SOX13: variants seen among roughly 807,000 people sequenced by gnomAD.
SOX13 encodes transcription factor SOX-13.
Under a neutral mutation model 71.8 loss-of-function variants are expected in SOX13, and 28 were observed. The ratio of observed to expected loss-of-function variants is 0.39; its 90% CI spans 0.29 to 0.53. SOX13 has a LOEUF of 0.53. SOX13 is among the 20% of genes least tolerant of loss of function. The pLI is 0.70. For missense variants in SOX13, 627 were observed against 810.3 expected (o/e 0.77, Z 2.75); for synonymous variants, 309 against 317.8 (o/e 0.97, Z 0.29).
chr1:204,092,994 T>G (rs1656177846), intron 1 of SOX13, among the ~76,000 whole-genome samples: 2 of 152,184 alleles, frequency 1.3e-5, no homozygotes, highest in Admixed American at 1.3e-4. Context: ...GAATAGTGCG[T>G]GGGAATCTTA....
chr1:204,089,249 G>A (rs1278371398), intron 1 of SOX13, among the ~76,000 whole-genome samples: 3 of 152,150 alleles, frequency 2.0e-5, no homozygotes. Flanking sequence ...TGAGTGTGTG[G>A]TGTCTTGGCG....
chr1:204,122,479 C>T (rs1656830457), intron 9 of SOX13, 80 bp downstream of exon 9: 1 of 1,137,538 alleles, frequency 8.8e-7, no homozygotes, highest in Non-Finnish European at 1.3e-6. Flanking sequence ...TGAGCAGGTC[C>T]CTTCTCCTCC....
In SOX13 at chr1:204,124,874, G is replaced by A. The variant is rs539731868; in HGVS notation, c.1592+17G>A. 3.5e-5 allele frequency: 54 copies of A among 1,536,132 alleles called. No individual in the cohort carries two copies. In the African/African-American group the frequency reaches 3.6e-4, roughly 10 times the overall value. On this transcript the variant is annotated intron_variant, in intron 13 of 13. Transcript: ENST00000367204. ...CGTGATCCCGTGAGCAGGCCCCCCC[G>A]CAGGCAGCCAGGAGACTGTGTGTAC...
At chr1:204,103,872 C>T (rs969388999) in intron 1 of SOX13, among the ~76,000 whole-genome samples, 2 of 152,232 alleles carry the variant, frequency 1.3e-5, no homozygotes, top group East Asian at 1.9e-4. Context: ...CTGTTGACCT[C>T]TTCTCGGTTT....
At position 204,089,347 on chromosome 1, in the gene SOX13, C is replaced by T. The variant is rs1047796196; in HGVS notation, c.-2+15636C>T. On this transcript the variant is annotated intron_variant, in intron 1 of 13. Coordinates refer to ENST00000367204, the MANE Select transcript of SOX13 (RefSeq NM_005686.3). The stretch of plus-strand genomic sequence containing the variant: ...CTCTGGACAGCATGGCATTCCCATG[C>T]GAGCCCAGACAGCCCTGGGGAGCAG... 5.9e-5 allele frequency among the ~76,000 whole-genome samples: 9 copies of T among 152,170 alleles called. No individual in the cohort carries two copies. In the East Asian group the frequency reaches 7.7e-4, roughly 13 times the overall value.
intron 1 of SOX13, among the ~76,000 whole-genome samples, chr1:204,089,178 T>A: frequency 9.2e-6 from 1 of 108,652 alleles, no homozygotes; most frequent in Non-Finnish European, 1.9e-5. Flanking sequence ...TGGGGGAAGA[T>A]GCATGGGGGG....
rs1289782004 is a variant in SOX13 at position 204,125,723 on chromosome 1, T to TGGGGGCAGGGTATATA, written c.1593-134_1593-119dup. The TGGGGGCAGGGTATATA allele has an allele frequency of 1.3e-5, 13 of 991,824 alleles. No homozygotes were observed. The East Asian group carries it at 2.6e-4, about 20-fold the overall frequency. 61.4% of individuals were successfully genotyped at this position (991,824 alleles called of 1,614,324 possible). On this transcript the variant is annotated intron_variant, in intron 13 of 13. Transcript: ENST00000367204. ...TGAATTTGGCCATCAGAAAGCAGGC[T>TGGGGGCAGGGTATATA]GGGGGCAGGGTATATAAGTCACAGC...
chr1:204,112,501 G>GCACA lies in SOX13; in HGVS notation c.-1-390_-1-387dup, dbSNP rs6143576. Among the ~76,000 whole-genome samples, 513 of 57,912 alleles carry GCACA rather than the reference G, an allele frequency of 8.9e-3. 6 individuals are homozygous for GCACA. The highest frequency in any genetic ancestry group is 0.027 in the Middle Eastern group (3 of 110). The allele number at this position is 57,912 out of a possible 152,430, so 38.0% of individuals were successfully genotyped here. The stretch of plus-strand genomic sequence containing the variant: ...TGCACAGACACATGCACACATGCGT[G>GCACA]CACACACACACACACACACACACAC... On this transcript the variant is annotated intron_variant, in intron 1 of 13. Transcript: ENST00000367204.
chr1:204,087,523 C>T lies in SOX13; in HGVS notation c.-2+13812C>T, dbSNP rs531454380. ...CCCTTTCTGTCTGTGCTGGTGTTTC[C>T]GGGAGGTGCTGGGACCACCAGTGCT... On this transcript the variant is annotated intron_variant, in intron 1 of 13. Transcript: ENST00000367204. Among the ~76,000 whole-genome samples the T allele has an allele frequency of 9.9e-5, 15 of 152,284 alleles. No individual in the cohort carries two copies. In the South Asian group the frequency reaches 1.4e-3, roughly 15 times the overall value.
Position 204,122,226 on chromosome 1 carries a change from G to T in SOX13, c.862-11G>T. 5 of 1,561,262 alleles carry T rather than the reference G, an allele frequency of 3.2e-6. No individual in the cohort carries two copies. The highest frequency in any genetic ancestry group is 4.3e-6 in the Non-Finnish European group (5 of 1,154,010). ...TGTCTGTCATCCTCTGACCTGCTGGGTCTCCCTCAGGAGCCCTCCCAGCCC... is the reference window on the plus strand; with the variant it reads ...TGTCTGTCATCCTCTGACCTGCTGGTTCTCCCTCAGGAGCCCTCCCAGCCC... On this transcript the variant is annotated splice_polypyrimidine_tract_variant and intron_variant, in intron 8 of 13. Coordinates refer to ENST00000367204, the MANE Select transcript of SOX13 (RefSeq NM_005686.3).
chr1:204,092,648 T>A (rs1471711814), intron 1 of SOX13, among the ~76,000 whole-genome samples: 2 of 152,216 alleles, frequency 1.3e-5, no homozygotes, highest in African/African-American at 2.4e-5. Flanking sequence ...ATTAGTGTGA[T>A]GGCTGCTGTG....
At chr1:204,102,596 T>A (rs1194462088) in intron 1 of SOX13, among the ~76,000 whole-genome samples, 1 of 151,194 alleles carries the variant, frequency 6.6e-6, no homozygotes, top group Admixed American at 6.6e-5. Context: ...TAACCTAGGC[T>A]AGGGAGGGAG....
intron 13 of SOX13, 80 bp from the exon 14 acceptor site, chr1:204,125,778 C>A: frequency 6.8e-7 from 1 of 1,469,852 alleles, no homozygotes; most frequent in Non-Finnish European, 9.2e-7. Context: ...AGTGCATGCT[C>A]TGAGGAGGCC....
Position 204,122,835 on chromosome 1 carries a change from CTT to C in SOX13, c.1025-18_1025-17del. The C allele has an allele frequency of 6.7e-7, 1 of 1,485,058 alleles. No individual in the cohort carries two copies. Among genetic ancestry groups the C allele is most frequent in the South Asian group, 1.2e-5 (1 of 81,204 alleles). 92.0% of individuals were successfully genotyped at this position (1,485,058 alleles called of 1,614,324 possible). ...AGCTTCTCTCGCTTCTCTTCCCTCT[CTT>C]CTGCCCTCTCCCACAGGCTTCCTTG... On this transcript the variant is annotated splice_polypyrimidine_tract_variant and intron_variant, in intron 9 of 13. Coordinates refer to ENST00000367204, the MANE Select transcript of SOX13 (RefSeq NM_005686.3).
chr1:204,092,642 G>A (rs1283686775), intron 1 of SOX13, among the ~76,000 whole-genome samples: 2 of 152,186 alleles, frequency 1.3e-5, no homozygotes, highest in East Asian at 3.9e-4. Context: ...GCTGATATTA[G>A]TGTGATGGCT....
At chr1:204,109,517 G>A (rs927657520) in intron 1 of SOX13, among the ~76,000 whole-genome samples, 2 of 152,188 alleles carry the variant, frequency 1.3e-5, no homozygotes, top group African/African-American at 4.8e-5. Flanking sequence ...TAGCCTAGGA[G>A]AAATAGGCTA....
intron 1 of SOX13, among the ~76,000 whole-genome samples, chr1:204,091,622 A>G (rs1656145762): frequency 6.6e-6 from 1 of 152,152 alleles, no homozygotes; most frequent in Non-Finnish European, 1.5e-5. Flanking sequence ...TTGGGTTGGA[A>G]GGCTGGGGGC....
intron 1 of SOX13, among the ~76,000 whole-genome samples, chr1:204,091,119 C>T (rs1231477184): frequency 1.3e-5 from 2 of 152,210 alleles, no homozygotes; most frequent in Non-Finnish European, 2.9e-5. Context: ...CTGTTCTTTT[C>T]CTTTCCATTC....
In SOX13 at chr1:204,116,643, G is replaced by A; in HGVS notation, c.555G>A (p.Gln185=). The A allele has an allele frequency of 3.1e-6, 5 of 1,613,788 alleles. No individual in the cohort carries two copies. Among genetic ancestry groups the A allele is most frequent in the Non-Finnish European group, 4.2e-6 (5 of 1,179,716 alleles). ...NMAAMLFEKQ[Q]QQMELARQQQ... ...CTGCCATGCTGTTTGAGAAGCAGCAGCAGCAGATGGAGCTTGCCCGGCAGC... is the reference window on the plus strand; with the variant it reads ...CTGCCATGCTGTTTGAGAAGCAGCAACAGCAGATGGAGCTTGCCCGGCAGC... Residue 185 remains glutamine (Q), a synonymous_variant, in exon 5 of 14, where the codon CAG becomes CAA. Coordinates refer to ENST00000367204, the MANE Select transcript of SOX13 (RefSeq NM_005686.3).
Sources: gnomAD v4.1 joint callset for allele counts (sites outside exome capture counted in the v4.1 genomes callset) on GRCh38, gnomAD v4.1.1 for gene constraint, MANE v1.5 for transcripts, NCBI Gene and HGNC (gene_info 2026-07-23, HGNC 2026-07-21) for gene names.